Variants in KYNU observed in about 807,000 individuals in gnomAD.
The protein encoded by KYNU is kynureninase, also known as L-kynurenine hydrolase.
Under a neutral mutation model 59.2 loss-of-function variants are expected in KYNU, and 54 were observed. The observed-to-expected ratio is 0.91, with a 90% CI of 0.73 to 1.14. KYNU has a LOEUF of 1.14. Among genes scored for constraint, KYNU ranks in the 50% most tolerant of loss-of-function variants. KYNU has a pLI of 0.00. For synonymous variants in KYNU, 177 were observed against 192.0 expected (o/e 0.92, Z 0.65); for missense variants, 567 against 554.4 (o/e 1.02, Z -0.23).
chr2:142,886,709 G>A (rs1372427377), intron 2 of KYNU, among the ~76,000 whole-genome samples: 1 of 152,168 alleles, frequency 6.6e-6, no homozygotes, highest in Non-Finnish European at 1.5e-5. Context: ...AATTCTTAAC[G>A]GAAATGGGAG....
intron 10 of KYNU, among the ~76,000 whole-genome samples, chr2:143,000,343 G>A (rs1203834996): frequency 6.6e-6 from 1 of 152,014 alleles, no homozygotes; most frequent in Non-Finnish European, 1.5e-5. Flanking sequence ...CACATCCAGA[G>A]TACTCTGACT....
In KYNU at chr2:143,053,163, T is replaced by C. The variant is rs1687295142; in HGVS notation, c.*10991T>C. On this transcript the variant is annotated 3_prime_UTR_variant, in exon 14 of 14. Transcript: ENST00000264170. ...ATGCCTCCCATTTGGAGTGGCTGTA[T>C]TTACCCAATGCCTGTATCCCCATTG... 1.3e-5 allele frequency: 2 copies of C among 152,246 alleles called. No individual in the cohort carries two copies. Among genetic ancestry groups the C allele is most frequent in the Admixed American group, 1.3e-4 (2 of 15,280 alleles). 9.4% of individuals were successfully genotyped at this position (152,246 alleles called of 1,614,324 possible).
intron 4 of KYNU, among the ~76,000 whole-genome samples, chr2:142,949,218 A>T (rs1683903618): frequency 6.6e-6 from 1 of 152,014 alleles, no homozygotes; most frequent in African/African-American, 2.4e-5. Flanking sequence ...GCTGGTGTTG[A>T]GTATCTGTGG....
At chr2:142,937,738 G>C (rs1382463989) in intron 4 of KYNU, among the ~76,000 whole-genome samples, 1 of 152,192 alleles carries the variant, frequency 6.6e-6, no homozygotes, top group East Asian at 1.9e-4. Context: ...GGTCTCCTTT[G>C]ATTGGCCAAA....
At chr2:142,955,729 A>T (rs567067858) in intron 5 of KYNU, among the ~76,000 whole-genome samples, 1 of 152,198 alleles carries the variant, frequency 6.6e-6, no homozygotes, top group Non-Finnish European at 1.5e-5. Flanking sequence ...TGTTGTCAAT[A>T]TCACTCTCTA....
rs1282585627 is a variant in KYNU, at chr2:143,054,058, T to A, written c.*11886T>A. 6.6e-6 allele frequency: 1 copy of A among 152,230 alleles called. No homozygotes were observed. The highest frequency in any genetic ancestry group is 2.4e-5 in the African/African-American group (1 of 41,458). The allele number at this position is 152,230 out of a possible 1,614,324, so 9.4% of individuals were successfully genotyped here. ...TGACCAGAGGTAAAGCATTTTATGT[T>A]GATTCTTGAGTGAGAGAGTAGAAAT... On this transcript the variant is annotated 3_prime_UTR_variant, in exon 14 of 14. Transcript: ENST00000264170.
At chr2:142,931,154 G>A (rs561558972) in intron 4 of KYNU, among the ~76,000 whole-genome samples, 5 of 152,208 alleles carry the variant, frequency 3.3e-5, no homozygotes, top group South Asian at 2.1e-4. Flanking sequence ...CGCCGCTGAC[G>A]TAAGTAGCCT....
intron 8 of KYNU, among the ~76,000 whole-genome samples, chr2:142,982,250 C>T (rs1367909913): frequency 1.3e-5 from 2 of 151,962 alleles, no homozygotes; most frequent in East Asian, 3.9e-4. Context: ...ATACACAAAC[C>T]CAGAGGTAAA....
intron 10 of KYNU, among the ~76,000 whole-genome samples, chr2:143,028,562 G>A (rs1211247558): frequency 1.3e-5 from 2 of 149,216 alleles, no homozygotes; most frequent in East Asian, 4.2e-4. Context: ...TTAACAATAT[G>A]AGGCCAGGCG....
intron 10 of KYNU, among the ~76,000 whole-genome samples, chr2:143,013,194 G>A (rs1686160285): frequency 2.0e-5 from 3 of 151,830 alleles, no homozygotes; most frequent in Non-Finnish European, 4.4e-5. Flanking sequence ...GGTACTCCAG[G>A]CTCATCCATG....
intron 4 of KYNU, among the ~76,000 whole-genome samples, chr2:142,932,559 G>A (rs539977747): frequency 3.3e-5 from 5 of 152,170 alleles, no homozygotes; most frequent in Admixed American, 6.5e-5. Flanking sequence ...TATGACAGGA[G>A]TGTTTTTTGC....
intron 8 of KYNU, among the ~76,000 whole-genome samples, chr2:142,982,058 G>A (rs1417065325): frequency 6.6e-6 from 1 of 151,982 alleles, no homozygotes; most frequent in East Asian, 1.9e-4. Flanking sequence ...TGTAATTTGG[G>A]GTTCTTTTTT....
At chr2:143,022,429 TATG>T (rs1686436344) in intron 10 of KYNU, among the ~76,000 whole-genome samples, 2 of 152,080 alleles carry the variant, frequency 1.3e-5, no homozygotes, top group South Asian at 4.1e-4. Flanking sequence ...TGCAGTATTT[TATG>T]ATGTTTGTAT....
chr2:143,055,688 G>GAAAGGGAGGAGAGGA lies in KYNU; in HGVS notation c.*13516_*13517insAAAGGGAGGAGAGGA, dbSNP rs879328526. The GAAAGGGAGGAGAGGA allele has an allele frequency of 1.4e-5, 2 of 142,756 alleles. No homozygotes were observed. The highest frequency in any genetic ancestry group is 2.3e-4 in the South Asian group (1 of 4,432). 8.8% of individuals were successfully genotyped at this position (142,756 alleles called of 1,614,324 possible). ...GAAGGAAGGAAGGAAGGAAGGAAAGGGAGGAGAGGAGAGGAGAGGTAGGAG... is the reference window on the plus strand; with the variant it reads ...GAAGGAAGGAAGGAAGGAAGGAAAGGAAAGGGAGGAGAGGAGAGGAGAGGAGAGGAGAGGTAGGAG... On this transcript the variant is annotated 3_prime_UTR_variant, in exon 14 of 14. Transcript: ENST00000264170.
At chr2:142,997,517 T>C (rs1042893374) in intron 10 of KYNU, among the ~76,000 whole-genome samples, 1 of 152,172 alleles carries the variant, frequency 6.6e-6, no homozygotes, top group African/African-American at 2.4e-5. Flanking sequence ...TTTTAAGTTA[T>C]AGCCTTTAGG....
At chr2:142,952,074 G>A (rs182714271) in intron 4 of KYNU, among the ~76,000 whole-genome samples, 7 of 152,140 alleles carry the variant, frequency 4.6e-5, no homozygotes, top group East Asian at 3.9e-4. Flanking sequence ...AATCTGTATC[G>A]TGTTTTGTTT....
rs554373922 is a variant in KYNU at position 142,903,666 on chromosome 2, G to A, written c.170-14943G>A. 4.4e-4 allele frequency among the ~76,000 whole-genome samples: 67 copies of A among 152,246 alleles called. 1 individual carries two copies. Among genetic ancestry groups the A allele is most frequent in the Admixed American group, 4.4e-3 (67 of 15,288 alleles). ...TACCCGGGGCTCTGTGAGGGTGATG[G>A]CATGGGCTGGCGCTTGCCCCAGGCA... On this transcript the variant is annotated intron_variant, in intron 2 of 13. Transcript: ENST00000264170.
chr2:142,924,841 C>T (rs1220131585), intron 3 of KYNU, among the ~76,000 whole-genome samples: 1 of 152,140 alleles, frequency 6.6e-6, no homozygotes, highest in East Asian at 1.9e-4. Flanking sequence ...GCACTTTAAT[C>T]TACATCAACT....
chr2:142,924,165 C>T lies in KYNU; in HGVS notation c.291-3494C>T, dbSNP rs1000035084. On this transcript the variant is annotated intron_variant, in intron 3 of 13. Coordinates refer to ENST00000264170, the MANE Select transcript of KYNU (RefSeq NM_003937.3). ...TGTTGCCCAGGCTGGAGTGCAGTGG[C>T]GTGATCATAGCTCACTGCAGCCTTA... Among the ~76,000 whole-genome samples the T allele has an allele frequency of 2.6e-5, 4 of 152,160 alleles. No homozygotes were observed. The East Asian group carries it at 5.8e-4, about 22-fold the overall frequency.
Sources: allele counts gnomAD v4.1 joint callset (sites outside exome capture counted in the v4.1 genomes callset), GRCh38; gene constraint gnomAD v4.1.1; transcripts MANE v1.5; gene names NCBI Gene and HGNC (gene_info 2026-07-23, HGNC 2026-07-21).